Variants in RRAGC observed in about 807,000 individuals in gnomAD.
RRAGC encodes ras-related GTP-binding protein C.
A neutral mutation model predicts 37.1 loss-of-function variants in RRAGC; 8 were observed. The ratio of observed to expected loss-of-function variants is 0.22; its 90% confidence interval spans 0.13 to 0.39. The LOEUF is 0.39. Ranked by LOEUF, RRAGC falls within the 10% of genes least tolerant of loss-of-function variation. The pLI, the probability that RRAGC is intolerant of heterozygous loss-of-function variation, is 1.00. For missense variants in RRAGC, 342 were observed against 497.6 expected (o/e 0.69, Z 2.98); for synonymous variants, 190 against 181.1 (o/e 1.05, Z -0.39).
Position 38,859,719 on chromosome 1 carries a change from C to G in RRAGC, c.-73G>C, listed in dbSNP as rs926212158. The G allele has an allele frequency of 4.2e-6, 5 of 1,204,176 alleles. No individual in the cohort carries two copies. The East Asian group carries it at 9.8e-5, about 23-fold the overall frequency. The allele number at this position is 1,204,176 out of a possible 1,614,324, so 74.6% of individuals were successfully genotyped here. A position where few individuals can be genotyped will look rare whatever the true frequency, so the allele number is the denominator to read the frequency against. On this transcript the variant is annotated 5_prime_UTR_variant, in exon 1 of 7. Transcript: ENST00000373001. ...GAGCCAGGCCGCCGCCTCCCCAGTC[C>G]GCCTCCGCCGCCGCCGCCACCACCG...
At chr1:38,846,159 G>T in intron 5 of RRAGC, 72 bp from the exon 6 acceptor site, 3 of 1,188,366 alleles carry the variant, frequency 2.5e-6, no homozygotes, top group Non-Finnish European at 3.7e-6. Context: ...TCTGCACAAT[G>T]ACATCCACCC....
intron 3 of RRAGC, 62 bp downstream of exon 3, chr1:38,855,644 GAC>G (rs1642158869): frequency 7.8e-7 from 1 of 1,274,976 alleles, no homozygotes; most frequent in Non-Finnish European, 1.1e-6. Flanking sequence ...TGTTTGTAAT[GAC>G]AGAGATGGGA....
chr1:38,856,062 CTCT>C (rs1336701598), intron 2 of RRAGC, among the ~76,000 whole-genome samples, 155 bp from the exon 3 acceptor site: 3 of 152,164 alleles, frequency 2.0e-5, no homozygotes, highest in Admixed American at 6.5e-5. Flanking sequence ...TACTAAATAA[CTCT>C]TCAATTGTCT....
At position 38,839,633 on chromosome 1, in the gene RRAGC, G is replaced by C. The variant is rs139732615; in HGVS notation, c.1120C>G (p.His374Asp). Residue 374 changes from histidine (H) to aspartate (D), a missense_variant, in exon 7 of 7, where the codon CAC becomes GAC. Around this residue, in one of 3 missense-constraint regions of RRAGC, gnomAD observed 104 missense variants for 127.0 expected, o/e 0.82. Coordinates refer to ENST00000373001, the MANE Select transcript of RRAGC (RefSeq NM_022157.4). ...HEVFEVGVTS[H>D]RSCGHQTSAS... Reference sequence around the variant, plus strand: ...CTAGTCTGGTGACCACAGCTCCTGTGAGAAGTCACACCCACCTCAAAAACC... The same window carrying C: ...CTAGTCTGGTGACCACAGCTCCTGTCAGAAGTCACACCCACCTCAAAAACC... The C allele has an allele frequency of 3.1e-5, 50 of 1,614,062 alleles. No individual in the cohort carries two copies. Among genetic ancestry groups the C allele is most frequent in the Middle Eastern group, 3.3e-4 (2 of 6,084 alleles).
chr1:38,858,192 G>A (rs1182531136), intron 1 of RRAGC, among the ~76,000 whole-genome samples: 1 of 152,104 alleles, frequency 6.6e-6, no homozygotes, highest in African/African-American at 2.4e-5. Flanking sequence ...AGCAAACCTG[G>A]AAGAACGCTG....
intron 6 of RRAGC, among the ~76,000 whole-genome samples, 155 bp downstream of exon 6, chr1:38,845,784 T>A (rs1642020377): frequency 6.6e-6 from 1 of 152,102 alleles, no homozygotes; most frequent in Admixed American, 6.5e-5. Flanking sequence ...AAGTCTGGAC[T>A]ATACATGGAA....
intron 6 of RRAGC, among the ~76,000 whole-genome samples, chr1:38,843,814 A>C (rs1641995309): frequency 1.3e-5 from 2 of 152,122 alleles, no homozygotes; most frequent in Admixed American, 1.3e-4. Context: ...ATATAAAATA[A>C]ATTTTCTGAA....
chr1:38,846,126 A>C (rs1292729002), intron 5 of RRAGC, 39 bp from the exon 6 acceptor site: 1 of 1,508,778 alleles, frequency 6.6e-7, no homozygotes, highest in Non-Finnish European at 9.1e-7. Context: ...CAGGTTTCCC[A>C]TCTAGGCATC....
Position 38,838,542 on chromosome 1 carries a change from A to T in RRAGC, c.*1011T>A, listed in dbSNP as rs1641910870. On this transcript the variant is annotated 3_prime_UTR_variant, in exon 7 of 7. Coordinates refer to ENST00000373001, the MANE Select transcript of RRAGC (RefSeq NM_022157.4). ...ATGAATTCATATCCTAGGCAAAGAAAGTACCACAGTTGACACTTGGTGTCA... is the reference window on the plus strand; with the variant it reads ...ATGAATTCATATCCTAGGCAAAGAATGTACCACAGTTGACACTTGGTGTCA... 1 of 152,262 alleles carries T rather than the reference A, an allele frequency of 6.6e-6. No individual in the cohort carries two copies. Among genetic ancestry groups the T allele is most frequent in the African/African-American group, 2.4e-5 (1 of 41,474 alleles). 9.4% of individuals were successfully genotyped at this position (152,262 alleles called of 1,614,324 possible).
At chr1:38,840,010 T>C (rs1423562490) in intron 6 of RRAGC, among the ~76,000 whole-genome samples, 1 of 152,036 alleles carries the variant, frequency 6.6e-6, no homozygotes, top group African/African-American at 2.4e-5. Flanking sequence ...TAGCCGGGCA[T>C]GGTGGCGGGC....
chr1:38,841,492 T>C (rs901113252), intron 6 of RRAGC, among the ~76,000 whole-genome samples: 1 of 151,604 alleles, frequency 6.6e-6, no homozygotes, highest in African/African-American at 2.4e-5. Flanking sequence ...GCCTCCTGAG[T>C]AGAGAGGACT....
intron 5 of RRAGC, among the ~76,000 whole-genome samples, chr1:38,849,549 G>T (rs993997516): frequency 6.6e-6 from 1 of 151,950 alleles, no homozygotes; most frequent in Non-Finnish European, 1.5e-5. Flanking sequence ...TCAGCCAGGC[G>T]TGGTGGTGCA....
Position 38,856,983 on chromosome 1 carries a change from G to C in RRAGC, c.337C>G (p.Gln113Glu), listed in dbSNP as rs1642174908. The change falls in exon 2 of 7, where the codon CAG becomes GAG. Residue 113 changes from glutamine to glutamate, a missense_variant. Transcript: ENST00000373001. Reference sequence around the variant, plus strand: ...ATTTGCCCAGGAAAATCCCATATCTGGAAATTCACAAAGGAGCTATTGGAA... The same window carrying C: ...ATTTGCCCAGGAAAATCCCATATCTCGAAATTCACAAAGGAGCTATTGGAA... ...DISNSSFVNFQIWDFPGQMDF... is the reference protein window; with the variant it reads ...DISNSSFVNFEIWDFPGQMDF... 1 of 1,613,904 alleles carries C rather than the reference G, an allele frequency of 6.2e-7. No individual in the cohort carries two copies. The highest frequency in any genetic ancestry group is 8.5e-7 in the Non-Finnish European group (1 of 1,179,912).
chr1:38,851,471 C>T lies in RRAGC; in HGVS notation c.899+144G>A, dbSNP rs974629330. 12 of 633,344 alleles carry T rather than the reference C, an allele frequency of 1.9e-5. No individual in the cohort carries two copies. The African/African-American group carries it at 2.1e-4, about 11-fold the overall frequency. The allele number at this position is 633,344 out of a possible 1,614,324, so 39.2% of individuals were successfully genotyped here. A position where few individuals can be genotyped will look rare whatever the true frequency, so the allele number is the denominator to read the frequency against. On this transcript the variant is annotated intron_variant, in intron 5 of 6. Transcript: ENST00000373001. ...GCAGCCAACTTCCAGAGAAATCATG[C>T]TCCAAGTTAAAGCACTATGGTCAGA...
intron 6 of RRAGC, among the ~76,000 whole-genome samples, chr1:38,844,619 G>A (rs901520598): frequency 1.3e-5 from 2 of 152,118 alleles, no homozygotes; most frequent in Non-Finnish European, 2.9e-5. Flanking sequence ...GTAAGAAAAG[G>A]CCACTGAATG....
Position 38,859,640 on chromosome 1 carries a change from G to C in RRAGC, c.7C>G (p.Leu3Val). ...GGCGTCTCCTCCGCCCCGTACTGCA[G>C]GGACATGGTGCTGGAGCCGCCGCCG... MSLQYGAEETPLA... is the reference protein window; with the variant it reads MSVQYGAEETPLA... The change falls in exon 1 of 7, where the codon CTG (leucine) becomes GTG (valine). Residue 3 changes from leucine (L) to valine (V), a missense_variant. Leu to Val is a conservative substitution (Grantham distance 32). Transcript: ENST00000373001. 10 of 1,555,156 alleles carry C rather than the reference G, an allele frequency of 6.4e-6. 1 individual carries two copies. Among genetic ancestry groups the C allele is most frequent in the Non-Finnish European group, 8.7e-6 (10 of 1,151,496 alleles).
Position 38,859,556 on chromosome 1 carries a change from C to G in RRAGC, c.91G>C (p.Glu31Gln). 6.4e-7 allele frequency: 1 copy of G among 1,553,476 alleles called. No individual in the cohort carries two copies. The highest frequency in any genetic ancestry group is 8.7e-7 in the Non-Finnish European group (1 of 1,149,376). ...GCCGCCGCCTCCTCTTCCTCCTCCT[C>G]CACGCCGTAGCCGAAGTCCTTTGGA... ...SFPKDFGYGV[E>Q]EEEEEAAAAG... The change falls in exon 1 of 7, where the codon GAG becomes CAG. Residue 31 changes from glutamate (E) to glutamine (Q), a missense_variant. By Grantham distance (29) the Glu-to-Gln change is conservative. Around this residue, in one of 3 missense-constraint regions of RRAGC, gnomAD observed 104 missense variants for 93.4 expected, o/e 1.11. Coordinates refer to ENST00000373001, the MANE Select transcript of RRAGC (RefSeq NM_022157.4).
intron 6 of RRAGC, among the ~76,000 whole-genome samples, chr1:38,841,446 A>G (rs1331658059): frequency 6.6e-6 from 1 of 151,746 alleles, no homozygotes; most frequent in African/African-American, 2.4e-5. Flanking sequence ...AGCTCACTGT[A>G]ACCTCAAACT....
intron 1 of RRAGC, 61 bp downstream of exon 1, chr1:38,859,349 C>T: frequency 6.8e-7 from 1 of 1,465,942 alleles, no homozygotes; most frequent in Non-Finnish European, 9.2e-7. Context: ...CCCGGGCGTC[C>T]CCGCTACCGG....
Sources: allele counts gnomAD v4.1 joint callset (sites outside exome capture counted in the v4.1 genomes callset), GRCh38; gene constraint gnomAD v4.1.1; regional missense constraint gnomAD v4.1.1; transcripts MANE v1.5; gene names NCBI Gene and HGNC (gene_info 2026-07-23, HGNC 2026-07-21).